Variants in NRP2 observed in about 807,000 individuals in gnomAD.
NRP2 encodes neuropilin-2.
A neutral mutation model predicts 110.4 loss-of-function variants in NRP2; 52 were observed. The ratio of observed to expected loss-of-function variants is 0.47; its 90% confidence interval spans 0.38 to 0.59. The LOEUF is 0.59. Among genes scored for constraint, NRP2 ranks in the 20% least tolerant of loss-of-function variants. The probability of loss-of-function intolerance (pLI) is 0.00; values close to 1 mark genes in which losing one functional copy is unlikely to be tolerated. For synonymous variants in NRP2, 508 were observed against 468.9 expected, an observed-to-expected ratio of 1.08 and a Z score of -1.08; for missense variants, 1,049 against 1,203.0, an observed-to-expected ratio of 0.87 and a Z score of 1.89.
Position 205,796,095 on chromosome 2 carries a change from A to G in NRP2, c.*1037A>G, listed in dbSNP as rs901700101. The G allele has an allele frequency of 6.6e-6, 1 of 152,198 alleles. No individual in the cohort carries two copies. Among genetic ancestry groups the G allele is most frequent in the Admixed American group, 6.5e-5 (1 of 15,278 alleles). 9.4% of individuals were successfully genotyped at this position (152,198 alleles called of 1,614,324 possible). A position where few individuals can be genotyped will look rare whatever the true frequency, so the allele number is the denominator to read the frequency against. Reference sequence around the variant, plus strand: ...GGTATGTTCTCCCCATCAGCGAGTTATTGTAACTGGTCACCACTGGACGGG... The same window carrying G: ...GGTATGTTCTCCCCATCAGCGAGTTGTTGTAACTGGTCACCACTGGACGGG... On this transcript the variant is annotated 3_prime_UTR_variant, in exon 17 of 17. Transcript: ENST00000357785.
chr2:205,774,590 T>A (rs1034139971), intron 15 of NRP2, among the ~76,000 whole-genome samples: 12 of 152,184 alleles, frequency 7.9e-5, no homozygotes, highest in African/African-American at 2.9e-4. Context: ...GGAAGGGGAT[T>A]CATACAGCAG....
intron 15 of NRP2, among the ~76,000 whole-genome samples, chr2:205,770,631 A>G (rs181054933): frequency 1.3e-5 from 2 of 152,208 alleles, no homozygotes; most frequent in Non-Finnish European, 2.9e-5. Context: ...TCCTTCTCCT[A>G]GAAGCACTTC....
chr2:205,746,477 G>A (rs1287894820), intron 10 of NRP2, among the ~76,000 whole-genome samples: 1 of 152,196 alleles, frequency 6.6e-6, no homozygotes, highest in East Asian at 1.9e-4. Flanking sequence ...GCCCACGGAG[G>A]GTGCCCAGCC....
intron 15 of NRP2, chr2:205,776,342 C>A: frequency 6.2e-7 from 1 of 1,613,004 alleles, no homozygotes; most frequent in South Asian, 1.1e-5. Flanking sequence ...GCCGGGGGCG[C>A]CGTGCTGGTG....
Position 205,763,058 on chromosome 2 carries a change from C to G in NRP2, c.2045-616C>G, listed in dbSNP as rs1205142425. 1.3e-5 allele frequency among the ~76,000 whole-genome samples: 2 copies of G among 152,204 alleles called. No homozygotes were observed. Among genetic ancestry groups the G allele is most frequent in the African/African-American group, 4.8e-5 (2 of 41,446 alleles). On this transcript the variant is annotated intron_variant, in intron 12 of 16. Transcript: ENST00000357785. This position sits in a 1 kb window ranked among gnomAD's most constrained non-coding sequence, Gnocchi z 4.0. Reference sequence around the variant, plus strand: ...AATCATCCCTTTCAGCTCCCACCCTCTGTTCTGTTTGAAGGTGACACTGGG... The same window carrying G: ...AATCATCCCTTTCAGCTCCCACCCTGTGTTCTGTTTGAAGGTGACACTGGG...
At chr2:205,747,167 A>C (rs114705854) in intron 10 of NRP2, among the ~76,000 whole-genome samples, 2,695 of 152,242 alleles carry the variant, frequency 0.018, 92 homozygotes, top group African/African-American at 0.061. Flanking sequence ...CCCATGATAC[A>C]CAATTTAAAA....
intron 15 of NRP2, 122 bp from the exon 16 acceptor site, chr2:205,792,113 A>G: frequency 1.4e-6 from 1 of 723,046 alleles, no homozygotes; most frequent in East Asian, 2.6e-5. Flanking sequence ...ATCTAGAAGT[A>G]GAGGTGATTC....
intron 7 of NRP2, among the ~76,000 whole-genome samples, chr2:205,731,590 A>G (rs2057241422): frequency 6.6e-6 from 1 of 152,210 alleles, no homozygotes; most frequent in Non-Finnish European, 1.5e-5. Flanking sequence ...AAAAGCCCTT[A>G]TCTTCAGTTC....
intron 1 of NRP2, among the ~76,000 whole-genome samples, chr2:205,689,669 A>AT (rs574925340): frequency 1.3e-3 from 194 of 151,994 alleles, no homozygotes; most frequent in African/African-American, 4.0e-3. Context: ...TCTCCCTTGC[A>AT]TTTTTTCCCT....
At chr2:205,699,705 G>A (rs563679734) in intron 2 of NRP2, among the ~76,000 whole-genome samples, 1 of 152,316 alleles carries the variant, frequency 6.6e-6, no homozygotes, top group African/African-American at 2.4e-5. Context: ...GCCCCTTGCT[G>A]GAGGTGGAGT....
chr2:205,698,259 T>C (rs570230316), intron 2 of NRP2, among the ~76,000 whole-genome samples: 1 of 152,058 alleles, frequency 6.6e-6, no homozygotes, highest in Non-Finnish European at 1.5e-5. Flanking sequence ...AAGATTCACA[T>C]TGGTTCTTGA....
intron 3 of NRP2, among the ~76,000 whole-genome samples, chr2:205,721,936 G>T (rs762715162): frequency 6.6e-6 from 1 of 152,130 alleles, no homozygotes; most frequent in Non-Finnish European, 1.5e-5. Flanking sequence ...CTCCCCTGAG[G>T]CACCTTGGAT....
At chr2:205,684,508 C>T (rs528443253) in intron 1 of NRP2, among the ~76,000 whole-genome samples, 1 of 152,348 alleles carries the variant, frequency 6.6e-6, no homozygotes, top group Admixed American at 6.5e-5. Context: ...CCCAGAACAT[C>T]AGCTAGTGGA....
chr2:205,777,258 A>T, intron 15 of NRP2: 1 of 533,934 alleles, frequency 1.9e-6, no homozygotes, highest in African/African-American at 2.1e-5. Flanking sequence ...CCTATCCCCA[A>T]CCCACCTGAC....
chr2:205,778,214 C>T (rs1008311045), intron 15 of NRP2: 5 of 146,100 alleles, frequency 3.4e-5, no homozygotes, highest in South Asian at 2.1e-4. Context: ...GAACAAAATA[C>T]TAATGATTTT....
chr2:205,741,553 A>C (rs926087342), intron 8 of NRP2, among the ~76,000 whole-genome samples: 1 of 152,226 alleles, frequency 6.6e-6, no homozygotes, highest in African/African-American at 2.4e-5. Context: ...CAGGGGGTGC[A>C]GATGGGAGAT....
At chr2:205,703,847 A>G (rs2056614770) in intron 2 of NRP2, among the ~76,000 whole-genome samples, 1 of 152,228 alleles carries the variant, frequency 6.6e-6, no homozygotes, top group Admixed American at 6.5e-5. Flanking sequence ...TGAGCATTGT[A>G]AGGGTAGACT....
rs905117792 is a variant in NRP2 at position 205,776,741 on chromosome 2, C to G, written c.2425+9938C>G. Reference sequence around the variant, plus strand: ...CTTTTTCCTTTTTGTTGATTCCAAACCAACAAACCCAACTCTAATGCTGCA... The same window carrying G: ...CTTTTTCCTTTTTGTTGATTCCAAAGCAACAAACCCAACTCTAATGCTGCA... On this transcript the variant is annotated intron_variant, in intron 15 of 16. Transcript: ENST00000357785. The G allele has an allele frequency of 2.1e-6, 3 of 1,459,900 alleles. No homozygotes were observed. The African/African-American group carries it at 4.2e-5, about 21-fold the overall frequency. 90.4% of individuals were successfully genotyped at this position (1,459,900 alleles called of 1,614,324 possible). A position where few individuals can be genotyped will look rare whatever the true frequency, so the allele number is the denominator to read the frequency against.
intron 11 of NRP2, among the ~76,000 whole-genome samples, chr2:205,750,400 T>C (rs1368131653): frequency 6.6e-6 from 1 of 152,198 alleles, no homozygotes; most frequent in Admixed American, 6.5e-5. Context: ...GTATCCTCTA[T>C]AACTGGAGTG....
Sources: gnomAD v4.1 joint callset for allele counts (sites outside exome capture counted in the v4.1 genomes callset) on GRCh38, gnomAD v4.1.1 for gene constraint, Gnocchi (gnomAD v3.1) non-coding constraint, MANE v1.5 for transcripts, NCBI Gene and HGNC (gene_info 2026-07-23, HGNC 2026-07-21) for gene names.